Variants in TANC2 observed in about 807,000 individuals in gnomAD.
TANC2 encodes the protein tetratricopeptide repeat, ankyrin repeat and coiled-coil containing 2.
A neutral mutation model predicts 210.5 loss-of-function variants in TANC2; 26 were observed. The ratio of observed to expected loss-of-function variants is 0.12; its 90% CI spans 0.09 to 0.17. TANC2 has a LOEUF of 0.17. Among genes scored for constraint, TANC2 ranks in the 10% least tolerant of loss-of-function variants. The probability of loss-of-function intolerance (pLI) is 1.00; values close to 1 mark genes in which losing one functional copy is unlikely to be tolerated. For missense variants in TANC2, 2,129 were observed against 2,608.9 expected, an observed-to-expected ratio of 0.82 and a Z score of 4.01; for synonymous variants, 931 against 967.1, an observed-to-expected ratio of 0.96 and a Z score of 0.69.
intron 2 of TANC2, among the ~76,000 whole-genome samples, chr17:63,024,170 G>A (rs966734198): frequency 2.6e-5 from 4 of 152,120 alleles, no homozygotes; most frequent in African/African-American, 4.8e-5. Flanking sequence ...TTTGGATCCC[G>A]TGCAAGAAAT....
At chr17:63,197,383 A>G (rs1434893208) in intron 6 of TANC2, among the ~76,000 whole-genome samples, 1 of 152,174 alleles carries the variant, frequency 6.6e-6, no homozygotes, top group Non-Finnish European at 1.5e-5. Context: ...GAACCACACA[A>G]GAAAGTGGCT....
intron 5 of TANC2, among the ~76,000 whole-genome samples, chr17:63,178,225 C>T (rs987485291): frequency 6.6e-6 from 1 of 151,842 alleles, no homozygotes; most frequent in Non-Finnish European, 1.5e-5. Flanking sequence ...CCCAGCTACT[C>T]GGGAGGCTGA....
chr17:62,966,755 G>C lies in TANC2; in HGVS notation c.-24+6G>C, dbSNP rs2031360175. On this transcript the variant is annotated splice_donor_region_variant and intron_variant, in intron 1 of 27. Coordinates refer to ENST00000689528, the Ensembl canonical transcript of TANC2. The surrounding 1 kb of genome is among the most constrained non-coding windows in gnomAD (Gnocchi z 5.1). Reference sequence around the variant, plus strand: ...AGAGCCCCTCAGAGCGGCAGGTAAGGGGCCCGGGGAGCAGGGCGAGGAAAG... The same window carrying C: ...AGAGCCCCTCAGAGCGGCAGGTAAGCGGCCCGGGGAGCAGGGCGAGGAAAG... The C allele has an allele frequency of 6.6e-6, 1 of 152,396 alleles. No individual in the cohort carries two copies. Among genetic ancestry groups the C allele is most frequent in the African/African-American group, 2.4e-5 (1 of 41,456 alleles). 9.4% of individuals were successfully genotyped at this position (152,396 alleles called of 1,614,324 possible).
intron 8 of TANC2, among the ~76,000 whole-genome samples, chr17:63,239,887 A>G (rs1260645216): frequency 6.6e-6 from 1 of 152,116 alleles, no homozygotes; most frequent in Non-Finnish European, 1.5e-5. Flanking sequence ...AGGGGGAACA[A>G]GCACCTCACA....
chr17:63,193,819 G>T, intron 5 of TANC2, 172 bp from the exon 6 acceptor site: 1 of 589,242 alleles, frequency 1.7e-6, no homozygotes, highest in Non-Finnish European at 2.6e-6. Flanking sequence ...TTTTTTACTT[G>T]GAAGCGAATT....
At chr17:63,190,940 C>G (rs1434142461) in intron 5 of TANC2, among the ~76,000 whole-genome samples, 1 of 152,104 alleles carries the variant, frequency 6.6e-6, no homozygotes. Flanking sequence ...ACCACTATTT[C>G]CATTAAATCC....
exon 10 of TANC2, chr17:63,314,418 T>C (rs764122149): frequency 7.4e-6 from 12 of 1,613,816 alleles, no homozygotes; most frequent in Middle Eastern, 1.6e-4. Flanking sequence ...CCTCCAGATA[T>C]CTCCTTGAAG....
At chr17:63,339,670 G>A (rs1351562406) in intron 11 of TANC2, among the ~76,000 whole-genome samples, 1 of 152,192 alleles carries the variant, frequency 6.6e-6, no homozygotes, top group Non-Finnish European at 1.5e-5. Context: ...ATATGTGTTT[G>A]TTGAGACTAA....
At chr17:63,357,283 G>T (rs954242094) in intron 14 of TANC2, among the ~76,000 whole-genome samples, 2 of 152,220 alleles carry the variant, frequency 1.3e-5, no homozygotes, top group Non-Finnish European at 2.9e-5. Flanking sequence ...GACTACCACT[G>T]AATTAATAGT....
chr17:63,174,426 C>T (rs904872413), intron 5 of TANC2, among the ~76,000 whole-genome samples: 6 of 152,114 alleles, frequency 3.9e-5, no homozygotes, highest in African/African-American at 1.2e-4. Context: ...GTTGCTCCTA[C>T]GAACATTAAA....
At chr17:63,375,415 T>C (rs1287679013) in intron 14 of TANC2, among the ~76,000 whole-genome samples, 2 of 152,338 alleles carry the variant, frequency 1.3e-5, no homozygotes, top group Non-Finnish European at 2.9e-5. Context: ...TTCTTAGTTA[T>C]GGTGGTAAAA....
chr17:63,002,600 A>G (rs1158578514), intron 1 of TANC2, among the ~76,000 whole-genome samples: 1 of 152,210 alleles, frequency 6.6e-6, no homozygotes, highest in Non-Finnish European at 1.5e-5. Flanking sequence ...TTCAAAACAT[A>G]TAGAATATTA....
chr17:63,371,900 A>T (rs984663363), intron 14 of TANC2, among the ~76,000 whole-genome samples: 1 of 152,194 alleles, frequency 6.6e-6, no homozygotes, highest in African/African-American at 2.4e-5. Flanking sequence ...ACCCGTAGTT[A>T]TCCAGAAGTG....
intron 9 of TANC2, among the ~76,000 whole-genome samples, chr17:63,288,854 T>G (rs1367900572): frequency 6.6e-6 from 1 of 152,222 alleles, no homozygotes; most frequent in Non-Finnish European, 1.5e-5. Context: ...AAAGAACTTT[T>G]CTTAACATTT....
intron 9 of TANC2, among the ~76,000 whole-genome samples, chr17:63,284,537 A>G (rs1005891399): frequency 7.2e-5 from 11 of 151,838 alleles, no homozygotes; most frequent in African/African-American, 2.4e-4. Flanking sequence ...ATTTACATGT[A>G]TTTATTTCTG....
chr17:63,059,006 T>C (rs1486278289), intron 2 of TANC2, among the ~76,000 whole-genome samples: 1 of 152,214 alleles, frequency 6.6e-6, no homozygotes, highest in East Asian at 1.9e-4. Context: ...AGGAATAGCA[T>C]TGAACCTGTA....
At position 63,239,663 on chromosome 17, in the gene TANC2, G is replaced by A. The variant is rs149056254; in HGVS notation, c.1033+1586G>A. Among the ~76,000 whole-genome samples the A allele has an allele frequency of 6.2e-4, 95 of 152,240 alleles. 1 individual carries two copies. The highest frequency in any genetic ancestry group is 2.2e-3 in the African/African-American group (91 of 41,540). ...TTTTATCCTAGGACCTTCTAACTAT[G>A]TCAATCCCCAACTACCATGTCATAT... On this transcript the variant is annotated intron_variant, in intron 8 of 27. Transcript: ENST00000689528.
intron 11 of TANC2, chr17:63,332,206 C>G: frequency 2.7e-6 from 1 of 371,960 alleles, no homozygotes; most frequent in Non-Finnish European, 5.3e-6. Context: ...CTTCTTTGCT[C>G]TGGGAATTTT....
At chr17:63,313,291 A>G (rs2045191587) in intron 9 of TANC2, 1 of 152,238 alleles carries the variant, frequency 6.6e-6, no homozygotes, top group Admixed American at 6.5e-5. Context: ...GCTAAGGTTA[A>G]AGAAACAAAA....
Sources: allele counts gnomAD v4.1 joint callset (sites outside exome capture counted in the v4.1 genomes callset), GRCh38; gene constraint gnomAD v4.1.1; non-coding constraint Gnocchi (gnomAD v3.1); transcripts MANE v1.5; gene names NCBI Gene and HGNC (gene_info 2026-07-23, HGNC 2026-07-21).